The following OPCML variants were observed in gnomAD, a reference collection of about 807,000 sequenced individuals.
The protein encoded by OPCML is opioid binding protein/cell adhesion molecule like.
Under a neutral mutation model 37.8 loss-of-function variants are expected in OPCML, and 13 were observed. The observed-to-expected ratio is 0.34, with a 90% CI of 0.22 to 0.55. OPCML has a LOEUF of 0.55. Ranked by LOEUF, OPCML falls within the 20% of genes least tolerant of loss-of-function variation. The pLI is 0.91. For synonymous variants in OPCML, 176 were observed against 168.8 expected, an observed-to-expected ratio of 1.04 and a Z score of -0.33; for missense variants, 341 against 435.6, an observed-to-expected ratio of 0.78 and a Z score of 1.93.
At chr11:132,439,498 A>G (rs536624816) in intron 4 of OPCML, among the ~76,000 whole-genome samples, 4 of 152,222 alleles carry the variant, frequency 2.6e-5, no homozygotes, top group Non-Finnish European at 4.4e-5. Flanking sequence ...TTCAAGGTGC[A>G]TTACGGTTAT....
intron 1 of OPCML, among the ~76,000 whole-genome samples, chr11:133,046,948 ATT>A (rs11361378): frequency 0.017 from 2,464 of 149,106 alleles, 47 homozygotes; most frequent in African/African-American, 0.054. Context: ...TAACTTTACA[ATT>A]TTTTTTTTTT....
chr11:133,114,255 C>A lies in OPCML; in HGVS notation c.62-171245G>T, dbSNP rs114820324. On this transcript the variant is annotated intron_variant, in intron 1 of 7. Transcript: ENST00000524381. ...CACCCACAGCCAGACTCCCAGCCTC[C>A]CAGCCTGCTCCTTCTATGGTCTTCC... Among the ~76,000 whole-genome samples, 478 of 152,278 alleles carry A rather than the reference C, an allele frequency of 3.1e-3. 2 individuals carry two copies. The highest frequency in any genetic ancestry group is 0.01 in the African/African-American group (432 of 41,556).
chr11:133,279,052 G>C (rs1218587287), intron 1 of OPCML, among the ~76,000 whole-genome samples: 1 of 152,112 alleles, frequency 6.6e-6, no homozygotes, highest in Non-Finnish European at 1.5e-5. Flanking sequence ...ACAGAATCAG[G>C]GTCTTGTTCT....
chr11:132,808,574 T>C (rs1271934958), intron 2 of OPCML, among the ~76,000 whole-genome samples: 1 of 152,206 alleles, frequency 6.6e-6, no homozygotes, highest in Non-Finnish European at 1.5e-5. Context: ...TCATTGGGTA[T>C]AACCCTGTGA....
chr11:133,234,909 T>A (rs1478092999), intron 1 of OPCML, among the ~76,000 whole-genome samples: 2 of 152,160 alleles, frequency 1.3e-5, no homozygotes, highest in Non-Finnish European at 2.9e-5. Context: ...TGGCCAAGCC[T>A]ATTTCCATGG....
chr11:133,477,800 C>T (rs1947277945), intron 1 of OPCML, among the ~76,000 whole-genome samples: 1 of 152,172 alleles, frequency 6.6e-6, no homozygotes, highest in Non-Finnish European at 1.5e-5. Context: ...AATAACCAAA[C>T]TATGTACAAT....
At chr11:132,976,302 G>T (rs1184017915) in intron 1 of OPCML, among the ~76,000 whole-genome samples, 5 of 152,154 alleles carry the variant, frequency 3.3e-5, no homozygotes. Flanking sequence ...GTGGGGGGAG[G>T]GGTTAAAATT....
intron 1 of OPCML, among the ~76,000 whole-genome samples, chr11:133,427,851 T>C (rs1565628438): frequency 6.6e-6 from 1 of 152,262 alleles, no homozygotes; most frequent in East Asian, 1.9e-4. Flanking sequence ...TAGGAGCGTA[T>C]ACTCTCCATG....
chr11:132,471,685 C>A (rs575435435), intron 4 of OPCML, among the ~76,000 whole-genome samples: 3 of 152,348 alleles, frequency 2.0e-5, no homozygotes, highest in African/African-American at 7.2e-5. Flanking sequence ...GGAAATGACA[C>A]AAGGCCATGC....
At chr11:133,128,677 T>C (rs1052926661) in intron 1 of OPCML, among the ~76,000 whole-genome samples, 5 of 152,180 alleles carry the variant, frequency 3.3e-5, no homozygotes, top group Non-Finnish European at 5.9e-5. Context: ...CTTTGTCTAC[T>C]GACTGTGAAC....
chr11:133,082,797 C>T (rs1948754000), intron 1 of OPCML, among the ~76,000 whole-genome samples: 1 of 148,272 alleles, frequency 6.7e-6, no homozygotes, highest in African/African-American at 2.5e-5. Context: ...GCCTGGGCCT[C>T]CTCGCGGCCC....
At chr11:132,435,972 G>T in intron 7 of OPCML, 114 bp downstream of exon 7, 1 of 980,816 alleles carries the variant, frequency 1.0e-6, no homozygotes, top group Non-Finnish European at 1.5e-6. Context: ...TACAGGTGGT[G>T]GGTTGAGTAG....
intron 2 of OPCML, among the ~76,000 whole-genome samples, chr11:132,696,914 A>G (rs1348302216): frequency 6.6e-6 from 1 of 152,240 alleles, no homozygotes; most frequent in Non-Finnish European, 1.5e-5. Context: ...ATGAAAAATG[A>G]TTCATATACA....
At chr11:133,077,326 C>T (rs951067871) in intron 1 of OPCML, among the ~76,000 whole-genome samples, 5 of 151,960 alleles carry the variant, frequency 3.3e-5, no homozygotes, top group African/African-American at 1.2e-4. Context: ...CAGCCCTGCC[C>T]TCATTTTCCC....
At chr11:133,397,042 T>A (rs1945302557) in intron 1 of OPCML, among the ~76,000 whole-genome samples, 1 of 152,194 alleles carries the variant, frequency 6.6e-6, no homozygotes, top group Non-Finnish European at 1.5e-5. Flanking sequence ...TAGCACTCCA[T>A]GTCTATTTTT....
At chr11:133,094,521 G>T (rs1350861866) in intron 1 of OPCML, among the ~76,000 whole-genome samples, 1 of 152,060 alleles carries the variant, frequency 6.6e-6, no homozygotes, top group Non-Finnish European at 1.5e-5. Flanking sequence ...GGTGACAAAT[G>T]GTATTACTGA....
chr11:133,200,527 GT>G (rs1386581274), intron 1 of OPCML, among the ~76,000 whole-genome samples: 6 of 152,186 alleles, frequency 3.9e-5, no homozygotes, highest in African/African-American at 1.4e-4. Context: ...TTTAGAGGTG[GT>G]TTTCTGTACG....
At chr11:133,421,069 A>AT in intron 1 of OPCML, 1 of 985,436 alleles carries the variant, frequency 1.0e-6, no homozygotes. Context: ...TCAGTAGATT[A>AT]TTGGAGGGCA....
At chr11:133,184,862 A>G (rs1938002846) in intron 1 of OPCML, among the ~76,000 whole-genome samples, 1 of 152,186 alleles carries the variant, frequency 6.6e-6, no homozygotes, top group Non-Finnish European at 1.5e-5. Context: ...AAGAATAGAG[A>G]ACCGTTTCCC....
Sources: allele counts gnomAD v4.1 joint callset (sites outside exome capture counted in the v4.1 genomes callset), GRCh38; gene constraint gnomAD v4.1.1; transcripts MANE v1.5; gene names NCBI Gene and HGNC (gene_info 2026-07-23, HGNC 2026-07-21).